Variants in FBN2 observed in about 807,000 individuals in gnomAD.
FBN2 encodes fibrillin-2.
FBN2 carries 105 observed loss-of-function variants against 355.6 expected under a neutral mutation model. The ratio of observed to expected loss-of-function variants is 0.30; its 90% CI spans 0.25 to 0.35. The LOEUF is 0.35. FBN2 is among the 10% of genes least tolerant of loss of function. The probability of loss-of-function intolerance (pLI) is 1.00; values close to 1 mark genes in which losing one functional copy is unlikely to be tolerated. For missense variants in FBN2, 3,280 were observed against 3,758.7 expected (o/e 0.87, Z 3.33); for synonymous variants, 1,350 against 1,301.2 (o/e 1.04, Z -0.81).
chr5:128,410,056 A>G (rs1753024379), intron 7 of FBN2, among the ~76,000 whole-genome samples: 2 of 152,194 alleles, frequency 1.3e-5, no homozygotes, highest in African/African-American at 4.8e-5. Flanking sequence ...TACCAGATTC[A>G]GACATTCTAT....
intron 34 of FBN2, among the ~76,000 whole-genome samples, chr5:128,326,483 G>C (rs1750550786): frequency 6.6e-6 from 1 of 152,146 alleles, no homozygotes; most frequent in Admixed American, 6.5e-5. Flanking sequence ...GAATTTACTG[G>C]GAAATGGCCA....
At chr5:128,336,846 T>G (rs1750855539) in intron 27 of FBN2, among the ~76,000 whole-genome samples, 2 of 152,168 alleles carry the variant, frequency 1.3e-5, no homozygotes, top group Non-Finnish European at 2.9e-5. Context: ...TTGTCAGGTA[T>G]AAGGTAAGGT....
rs368610241 is a variant in FBN2, at chr5:128,289,878, G to A, written c.6511+4C>T. On this transcript the variant is annotated splice_donor_region_variant and intron_variant, in intron 51 of 64. Transcript: ENST00000262464. ...ATATAGGAATAAAATATATCAAAGC[G>A]TACCTTCACGTGTATCATGAAGACT... 9.9e-5 allele frequency: 152 copies of A among 1,539,776 alleles called. No homozygotes were observed. In the African/African-American group the frequency reaches 1.1e-3, roughly 11 times the overall value.
intron 10 of FBN2, 83 bp downstream of exon 10, chr5:128,393,052 T>G: frequency 8.8e-7 from 1 of 1,135,538 alleles, no homozygotes. Flanking sequence ...TACAACCCTT[T>G]TGAAAAATTA....
chr5:128,350,377 C>T (rs2126921312), intron 21 of FBN2, among the ~76,000 whole-genome samples: 1 of 152,150 alleles, frequency 6.6e-6, no homozygotes, highest in East Asian at 1.9e-4. Flanking sequence ...ATGGTGAAAC[C>T]CCGTCTCTAC....
At chr5:128,455,509 T>C (rs1234296339) in intron 6 of FBN2, among the ~76,000 whole-genome samples, 5 of 151,960 alleles carry the variant, frequency 3.3e-5, no homozygotes, top group Non-Finnish European at 2.9e-5. Flanking sequence ...TAAAGTAAAA[T>C]GTGGGGCCAA....
intron 12 of FBN2, among the ~76,000 whole-genome samples, chr5:128,378,496 C>T (rs1429886812): frequency 6.6e-6 from 1 of 152,070 alleles, no homozygotes; most frequent in Non-Finnish European, 1.5e-5. Context: ...CTCAGTTAAT[C>T]AGAGAAGGTT....
chr5:128,391,292 G>GAACAA (rs1282530474), intron 11 of FBN2, among the ~76,000 whole-genome samples: 6 of 152,036 alleles, frequency 3.9e-5, no homozygotes, highest in East Asian at 1.9e-4. Flanking sequence ...CAACAAAACA[G>GAACAA]AACAAAACAA....
chr5:128,456,107 C>T (rs1331088128), intron 6 of FBN2, among the ~76,000 whole-genome samples: 1 of 150,140 alleles, frequency 6.7e-6, no homozygotes, highest in African/African-American at 2.5e-5. Context: ...TTTTCCCCTG[C>T]TGGAGCCAGG....
intron 11 of FBN2, among the ~76,000 whole-genome samples, chr5:128,379,568 T>C (rs1301986314): frequency 6.6e-6 from 1 of 152,110 alleles, no homozygotes. Context: ...ATGCAAATAC[T>C]AGTCGTGACC....
chr5:128,402,256 A>G (rs1384643157), intron 8 of FBN2, among the ~76,000 whole-genome samples: 4 of 152,154 alleles, frequency 2.6e-5, no homozygotes, highest in Admixed American at 2.6e-4. Context: ...TTAGGGGCAA[A>G]GCCAGATGAA....
chr5:128,501,872 A>C (rs1203670503), intron 5 of FBN2, among the ~76,000 whole-genome samples: 2 of 152,176 alleles, frequency 1.3e-5, no homozygotes, highest in East Asian at 3.9e-4. Context: ...AAAGTCTAAA[A>C]AAAGAAATCA....
At chr5:128,449,863 A>T (rs1279495055) in intron 6 of FBN2, among the ~76,000 whole-genome samples, 2 of 152,056 alleles carry the variant, frequency 1.3e-5, no homozygotes, top group African/African-American at 2.4e-5. Flanking sequence ...GAATTCAATT[A>T]AAAAAATCTG....
intron 48 of FBN2, among the ~76,000 whole-genome samples, chr5:128,293,300 T>C (rs1749384654): frequency 6.6e-6 from 1 of 152,196 alleles, no homozygotes. Context: ...GAGACCAGCC[T>C]GGCCAACATG....
chr5:128,425,132 T>A lies in FBN2; in HGVS notation c.953-16333A>T, dbSNP rs547773584. 4.6e-5 allele frequency among the ~76,000 whole-genome samples: 7 copies of A among 152,126 alleles called. No individual in the cohort carries two copies. The South Asian group carries it at 1.5e-3, about 32-fold the overall frequency. Reference sequence around the variant, plus strand: ...AAATTTAAGACACATTAGGACAAACTTAAAACTTAAAACATAGACCTTTAA... The same window carrying A: ...AAATTTAAGACACATTAGGACAAACATAAAACTTAAAACATAGACCTTTAA... On this transcript the variant is annotated intron_variant, in intron 7 of 64. Coordinates refer to ENST00000262464, the MANE Select transcript of FBN2 (RefSeq NM_001999.4).
intron 42 of FBN2, among the ~76,000 whole-genome samples, chr5:128,306,303 A>C (rs1008934055): frequency 1.1e-4 from 16 of 152,162 alleles, no homozygotes; most frequent in African/African-American, 3.9e-4. Context: ...ATTTTATCAT[A>C]TATTCATAAT....
intron 18 of FBN2, 58 bp from the exon 19 acceptor site, chr5:128,361,906 G>C: frequency 1.3e-6 from 2 of 1,524,930 alleles, no homozygotes; most frequent in Non-Finnish European, 1.8e-6. Context: ...ATTACAGTGG[G>C]CAGCAATGTT....
At chr5:128,455,990 CAAA>C (rs70997371) in intron 6 of FBN2, among the ~76,000 whole-genome samples, 15 of 25,264 alleles carry the variant, frequency 5.9e-4, no homozygotes, top group South Asian at 2.3e-3. Flanking sequence ...GGGTTAGCAA[CAAA>C]AAAAAAAAAA....
intron 3 of FBN2, among the ~76,000 whole-genome samples, chr5:128,529,494 TG>T (rs939080444): frequency 3.9e-5 from 6 of 152,110 alleles, no homozygotes; most frequent in Non-Finnish European, 8.8e-5. Flanking sequence ...CCTGATGAAA[TG>T]GAAGGATTGC....
Sources: allele counts gnomAD v4.1 joint callset (sites outside exome capture counted in the v4.1 genomes callset), GRCh38; gene constraint gnomAD v4.1.1; transcripts MANE v1.5; gene names NCBI Gene and HGNC (gene_info 2026-07-23, HGNC 2026-07-21).